Variants in TENT4B observed in about 807,000 individuals in gnomAD.
TENT4B encodes PAP associated domain containing 5.
A neutral mutation model predicts 75.0 loss-of-function variants in TENT4B; 10 were observed. The observed-to-expected ratio is 0.13, with a 90% CI of 0.08 to 0.23. The LOEUF (loss-of-function observed/expected upper bound fraction) is 0.23, where lower values mean the gene tolerates loss of function less well. Ranked by LOEUF, TENT4B falls within the 10% of genes least tolerant of loss-of-function variation. TENT4B has a pLI of 1.00. For missense variants in TENT4B, 579 were observed against 893.8 expected (o/e 0.65, Z 4.49); for synonymous variants, 350 against 357.7 (o/e 0.98, Z 0.24).
intron 1 of TENT4B, among the ~76,000 whole-genome samples, chr16:50,205,988 A>G (rs1179593807): frequency 6.6e-6 from 1 of 152,102 alleles, no homozygotes; most frequent in African/African-American, 2.4e-5. Context: ...ATCAGCTTAT[A>G]TAGCTTTATT....
chr16:50,221,473 C>T (rs1013923079), intron 5 of TENT4B, among the ~76,000 whole-genome samples: 7 of 152,042 alleles, frequency 4.6e-5, no homozygotes, highest in East Asian at 1.9e-4. Context: ...CCCTGTGAAG[C>T]GTGGAAGGGA....
chr16:50,222,701 T>C (rs2031882648), intron 6 of TENT4B, among the ~76,000 whole-genome samples: 2 of 152,256 alleles, frequency 1.3e-5, no homozygotes, highest in South Asian at 4.1e-4. Flanking sequence ...ATGCAAAATG[T>C]ACGGCCTGGT....
chr16:50,170,538 GCC>G (rs2038186205), intron 1 of TENT4B, among the ~76,000 whole-genome samples: 3 of 152,156 alleles, frequency 2.0e-5, no homozygotes, highest in Non-Finnish European at 4.4e-5. Flanking sequence ...TGGCAGTATG[GCC>G]CCTGTAAGGG....
chr16:50,231,123 G>A lies in TENT4B; in HGVS notation c.*1795G>A. ...ATATTTTAATTCACAATGGAAAAAT[G>A]TGTTCCAAAACTGGAAACTCATAGT... is the stretch of plus-strand genomic sequence containing the variant. On this transcript the variant is annotated 3_prime_UTR_variant, in exon 12 of 12. Transcript: ENST00000561678. 1.0e-6 allele frequency: 1 copy of A among 985,410 alleles called. No homozygotes were observed. The highest frequency in any genetic ancestry group is 1.2e-6 in the Non-Finnish European group (1 of 829,544). 61.0% of individuals were successfully genotyped at this position (985,410 alleles called of 1,614,324 possible).
intron 1 of TENT4B, among the ~76,000 whole-genome samples, chr16:50,187,309 G>A (rs370069130): frequency 2.0e-4 from 30 of 152,316 alleles, no homozygotes; most frequent in African/African-American, 2.9e-4. Flanking sequence ...GGCTCTGGGC[G>A]CAGTGGCTCA....
At chr16:50,196,729 C>T (rs1238154453) in intron 1 of TENT4B, among the ~76,000 whole-genome samples, 2 of 150,364 alleles carry the variant, frequency 1.3e-5, no homozygotes, top group African/African-American at 4.9e-5. Flanking sequence ...GAGTTTGAGA[C>T]CAGCCTGGGC....
intron 10 of TENT4B, among the ~76,000 whole-genome samples, chr16:50,226,385 T>G (rs2032055153): frequency 6.6e-6 from 1 of 152,186 alleles, no homozygotes; most frequent in African/African-American, 2.4e-5. Context: ...TAAGGCTTCT[T>G]TCACTCAATT....
At position 50,232,153 on chromosome 16, in the gene TENT4B, G is replaced by C; in HGVS notation, c.*2825G>C. The C allele has an allele frequency of 2.0e-6, 2 of 985,402 alleles. No homozygotes were observed. Among genetic ancestry groups the C allele is most frequent in the Non-Finnish European group, 2.4e-6 (2 of 829,912 alleles). 61.0% of individuals were successfully genotyped at this position (985,402 alleles called of 1,614,324 possible). Reference sequence around the variant, plus strand: ...GTCAGCACAAAATCTTACTGGTTATGTTTTGATGATAAAAGTATATCCATT... The same window carrying C: ...GTCAGCACAAAATCTTACTGGTTATCTTTTGATGATAAAAGTATATCCATT... On this transcript the variant is annotated 3_prime_UTR_variant, in exon 12 of 12. Transcript: ENST00000561678.
At chr16:50,214,327 C>A in intron 3 of TENT4B, 60 bp downstream of exon 3, 1 of 1,361,240 alleles carries the variant, frequency 7.3e-7, no homozygotes, top group South Asian at 1.3e-5. Context: ...TTTTGGCTGT[C>A]AAATTTGTAA....
At chr16:50,222,118 G>T (rs186029319) in intron 5 of TENT4B, among the ~76,000 whole-genome samples, 188 bp from the exon 6 acceptor site, 1 of 152,168 alleles carries the variant, frequency 6.6e-6, no homozygotes, top group East Asian at 1.9e-4. Context: ...TACAATTTAA[G>T]TATAAGGGGA....
intron 1 of TENT4B, among the ~76,000 whole-genome samples, chr16:50,182,923 G>GTTTTTTTTTTTTTTC (rs2038448529): frequency 1.6e-4 from 1 of 6,116 alleles, no homozygotes; most frequent in Non-Finnish European, 6.2e-4. Context: ...TTTTTTTTTT[G>GTTTTTTTTTTTTTTC]AGTTAGGCCA....
chr16:50,183,256 C>G (rs901557048), intron 1 of TENT4B, among the ~76,000 whole-genome samples: 1 of 151,954 alleles, frequency 6.6e-6, no homozygotes, highest in Non-Finnish European at 1.5e-5. Flanking sequence ...GTTGGTCAGG[C>G]TGGTCTCAAA....
In TENT4B at chr16:50,220,230, C is replaced by T. The variant is rs146663087; in HGVS notation, c.1039-2076C>T. On this transcript the variant is annotated intron_variant, in intron 5 of 11. Transcript: ENST00000561678. Reference sequence around the variant, plus strand: ...TCTCAAACCCTGACCTCAGGTGATCCGCCCTCCTCAGCCTCCCGCAGTGCT... The same window carrying T: ...TCTCAAACCCTGACCTCAGGTGATCTGCCCTCCTCAGCCTCCCGCAGTGCT... 3.9e-3 allele frequency among the ~76,000 whole-genome samples: 586 copies of T among 152,148 alleles called. 4 individuals carry two copies. Among genetic ancestry groups the T allele is most frequent in the African/African-American group, 0.014 (565 of 41,524 alleles).
At chr16:50,169,695 G>A (rs2038170228) in intron 1 of TENT4B, among the ~76,000 whole-genome samples, 1 of 152,168 alleles carries the variant, frequency 6.6e-6, no homozygotes, top group Non-Finnish European at 1.5e-5. Context: ...AACTGGGTCT[G>A]TTAATGAGCT....
intron 4 of TENT4B, among the ~76,000 whole-genome samples, chr16:50,217,058 G>T (rs886251086): frequency 6.6e-6 from 1 of 152,068 alleles, no homozygotes; most frequent in Non-Finnish European, 1.5e-5. Flanking sequence ...ACAGTTTGAT[G>T]ATACAAAACA....
chr16:50,186,054 A>G (rs1348052797), intron 1 of TENT4B, among the ~76,000 whole-genome samples: 3 of 152,194 alleles, frequency 2.0e-5, no homozygotes, highest in Non-Finnish European at 2.9e-5. Context: ...TAAAATATAC[A>G]TAAGATAAAA....
At chr16:50,211,179 A>G (rs890313753) in intron 1 of TENT4B, 144 bp from the exon 2 acceptor site, 18 of 886,200 alleles carry the variant, frequency 2.0e-5, no homozygotes, top group Non-Finnish European at 2.7e-5. Context: ...GTACATTCCC[A>G]TTTTAGCTTA....
intron 1 of TENT4B, among the ~76,000 whole-genome samples, chr16:50,155,023 C>T (rs528207827): frequency 2.0e-5 from 3 of 152,244 alleles, no homozygotes; most frequent in African/African-American, 4.8e-5. Context: ...AAGTTGTCAT[C>T]CTGGCAGAGG....
At chr16:50,184,860 T>C (rs1163121980) in intron 1 of TENT4B, among the ~76,000 whole-genome samples, 1 of 152,128 alleles carries the variant, frequency 6.6e-6, no homozygotes, top group African/African-American at 2.4e-5. Context: ...CTGAGTATCA[T>C]GCTGCAATTT....
Sources: allele counts gnomAD v4.1 joint callset (sites outside exome capture counted in the v4.1 genomes callset), GRCh38; gene constraint gnomAD v4.1.1; transcripts MANE v1.5; gene names NCBI Gene and HGNC (gene_info 2026-07-23, HGNC 2026-07-21).